PPARGC1B: variants seen among roughly 807,000 people sequenced by gnomAD.
PPARGC1B encodes peroxisome proliferator-activated receptor gamma coactivator 1-beta.
PPARGC1B carries 34 observed loss-of-function variants against 101.6 expected under a neutral mutation model. The observed-to-expected ratio is 0.33, with a 90% CI of 0.25 to 0.45. The LOEUF (loss-of-function observed/expected upper bound fraction) is 0.45. PPARGC1B is among the 20% of genes least tolerant of loss of function. PPARGC1B has a pLI of 1.00. For synonymous variants in PPARGC1B, 548 were observed against 539.3 expected (o/e 1.02, Z -0.22); for missense variants, 1,234 against 1,317.6 (o/e 0.94, Z 0.98).
At chr5:149,840,810 A>G (rs1400863971) in intron 9 of PPARGC1B, among the ~76,000 whole-genome samples, 2 of 152,170 alleles carry the variant, frequency 1.3e-5, no homozygotes, top group Non-Finnish European at 2.9e-5. Context: ...TGGAAACACA[A>G]AAAGACAAAC....
chr5:149,749,865 A>T (rs1049665877), intron 1 of PPARGC1B, among the ~76,000 whole-genome samples: 2 of 152,152 alleles, frequency 1.3e-5, no homozygotes, highest in African/African-American at 4.8e-5. Context: ...ATTGTGAATC[A>T]TGGGGGCTGT....
intron 1 of PPARGC1B, among the ~76,000 whole-genome samples, chr5:149,803,657 T>TA (rs1757503441): frequency 6.6e-6 from 1 of 152,198 alleles, no homozygotes; most frequent in African/African-American, 2.4e-5. Context: ...AGGTGCCTGT[T>TA]ATTCTGTCAT....
Position 149,794,109 on chromosome 5 carries a change from C to T in PPARGC1B, c.79-26324C>T, listed in dbSNP as rs1757119362. 3.3e-5 allele frequency among the ~76,000 whole-genome samples: 5 copies of T among 152,124 alleles called. No homozygotes were observed. In the South Asian group the frequency reaches 1.0e-3, roughly 31 times the overall value. The stretch of plus-strand genomic sequence containing the variant: ...AAAGTCTAAAATATTTACTAGTTGG[C>T]TCTTTACAGAAGAAGTTGCCAACTC... On this transcript the variant is annotated intron_variant, in intron 1 of 11. Transcript: ENST00000309241.
chr5:149,834,611 A>C lies in PPARGC1B; in HGVS notation c.1706-63A>C, dbSNP rs1758965006. On this transcript the variant is annotated intron_variant, in intron 5 of 11. Transcript: ENST00000309241. The stretch of plus-strand genomic sequence containing the variant: ...AGTGGAGGCCTAGGGTCTCCTCCAG[A>C]GGGGAAACATCTGCTAGTGATACCA... The C allele has an allele frequency of 7.2e-6, 11 of 1,518,154 alleles. No individual in the cohort carries two copies. In the South Asian group the frequency reaches 1.0e-4, roughly 14 times the overall value. 94.0% of individuals were successfully genotyped at this position (1,518,154 alleles called of 1,614,324 possible). A position where few individuals can be genotyped will look rare whatever the true frequency, so the allele number is the denominator to read the frequency against.
intron 1 of PPARGC1B, among the ~76,000 whole-genome samples, chr5:149,737,705 G>A (rs1754774359): frequency 6.6e-6 from 1 of 152,144 alleles, no homozygotes; most frequent in Admixed American, 6.5e-5. Context: ...TAAGATTGTT[G>A]TGAAGAGGCC....
chr5:149,742,572 A>G (rs1200282045), intron 1 of PPARGC1B, among the ~76,000 whole-genome samples: 1 of 152,160 alleles, frequency 6.6e-6, no homozygotes, highest in Non-Finnish European at 1.5e-5. Flanking sequence ...GAGTTTTATT[A>G]TTATTATTCA....
chr5:149,845,811 C>G lies in PPARGC1B; in HGVS notation c.2868C>G (p.Leu956=), dbSNP rs1759530888. The change falls in exon 11 of 12, where the codon CTC becomes CTG. Residue 956 remains leucine, a synonymous_variant. Coordinates refer to ENST00000309241, the MANE Select transcript of PPARGC1B (RefSeq NM_133263.4). ...ITYRCSEHAA[L]SLTKGAALRK... is the part of the protein sequence containing the mutation. ...ACCGGTGTTCTGAGCACGCGGCCCT[C>G]TCTTTGACAAAGGGCGCTGCCCTGA... 6.2e-7 allele frequency: 1 copy of G among 1,614,040 alleles called. No homozygotes were observed. The highest frequency in any genetic ancestry group is 1.3e-5 in the African/African-American group (1 of 74,940).
intron 1 of PPARGC1B, among the ~76,000 whole-genome samples, chr5:149,737,555 G>A (rs892513889): frequency 4.6e-5 from 7 of 152,180 alleles, no homozygotes; most frequent in African/African-American, 1.2e-4. Context: ...GTGGCAGTAC[G>A]CAGGGCCAGC....
In PPARGC1B at chr5:149,799,693, G is replaced by GTTTTTTTTTTTTTTTT. The variant is rs11371560; in HGVS notation, c.79-20734_79-20719dup. Reference sequence around the variant, plus strand: ...TTTGTTTGTTTGTTTGCTTGTTGTTGTTTTTTTTTTTTTTTTTTTTTGAGA... The same window carrying GTTTTTTTTTTTTTTTT: ...TTTGTTTGTTTGTTTGCTTGTTGTTGTTTTTTTTTTTTTTTTTTTTTTTTTTTTTTTTTTTTTGAGA... On this transcript the variant is annotated intron_variant, in intron 1 of 11. Coordinates refer to ENST00000309241, the MANE Select transcript of PPARGC1B (RefSeq NM_133263.4). Among the ~76,000 whole-genome samples, 102 of 76,460 alleles carry GTTTTTTTTTTTTTTTT rather than the reference G, an allele frequency of 1.3e-3. 10 individuals carry two copies. The highest frequency in any genetic ancestry group is 1.7e-3 in the South Asian group (3 of 1,760). 50.2% of individuals were successfully genotyped at this position (76,460 alleles called of 152,430 possible).
intron 3 of PPARGC1B, among the ~76,000 whole-genome samples, chr5:149,830,030 C>CAAAAAAAAAAAAAAAAAAAAAAAAAAA (rs60711433): frequency 8.8e-5 from 3 of 34,266 alleles, no homozygotes; most frequent in African/African-American, 8.8e-5. Context: ...GACTGCATCT[C>CAAAAAAAAAAAAAAAAAAAAAAAAAAA]AAAAAAAAAA....
intron 1 of PPARGC1B, among the ~76,000 whole-genome samples, chr5:149,816,342 C>T (rs1460564782): frequency 2.0e-5 from 3 of 152,156 alleles, no homozygotes; most frequent in South Asian, 2.1e-4. Context: ...GGTATGGTTT[C>T]GAGGGAAGGA....
rs559196017 is a variant in PPARGC1B at position 149,826,851 on chromosome 5, C to T, written c.431C>T (p.Ser144Leu). The change falls in exon 3 of 12, where the codon TCG becomes TTG. Residue 144 changes from serine (S) to leucine (L), a missense_variant. Coordinates refer to ENST00000309241, the MANE Select transcript of PPARGC1B (RefSeq NM_133263.4). ...APPSPAPEKPSAPAPEVDELS... is the reference protein window; with the variant it reads ...APPSPAPEKPLAPAPEVDELS... ...CCCAGCCCTGCCCCGGAGAAGCCCTCGGCCCCAGCCCCTGAGGTGGACGAG... is the reference window on the plus strand; with the variant it reads ...CCCAGCCCTGCCCCGGAGAAGCCCTTGGCCCCAGCCCCTGAGGTGGACGAG... 23 of 1,613,336 alleles carry T rather than the reference C, an allele frequency of 1.4e-5. No homozygotes were observed. The highest frequency in any genetic ancestry group is 1.7e-4 in the Middle Eastern group (1 of 5,998).
At chr5:149,759,906 A>C (rs774838146) in intron 1 of PPARGC1B, among the ~76,000 whole-genome samples, 1 of 152,144 alleles carries the variant, frequency 6.6e-6, no homozygotes, top group Non-Finnish European at 1.5e-5. Context: ...CAGAGCTGGG[A>C]TTTGAACCCA....
At chr5:149,778,564 T>C (rs1054154508) in intron 1 of PPARGC1B, among the ~76,000 whole-genome samples, 8 of 152,130 alleles carry the variant, frequency 5.3e-5, no homozygotes, top group Non-Finnish European at 2.9e-5. Flanking sequence ...GCGGCTGCCA[T>C]TGGGCAGCTC....
At chr5:149,738,155 C>T (rs2113076262) in intron 1 of PPARGC1B, among the ~76,000 whole-genome samples, 2 of 152,264 alleles carry the variant, frequency 1.3e-5, no homozygotes, top group South Asian at 4.2e-4. Flanking sequence ...CGTTAAGCTC[C>T]ACAAAGGCAA....
chr5:149,790,288 A>C (rs950932634), intron 1 of PPARGC1B, among the ~76,000 whole-genome samples: 1 of 152,184 alleles, frequency 6.6e-6, no homozygotes. Flanking sequence ...AGCATCATTT[A>C]TGATGATGCC....
intron 1 of PPARGC1B, among the ~76,000 whole-genome samples, chr5:149,814,493 G>C (rs1204566919): frequency 6.6e-6 from 1 of 152,138 alleles, no homozygotes; most frequent in Non-Finnish European, 1.5e-5. Flanking sequence ...GGACCAGAGG[G>C]GGGAGGTGAC....
At chr5:149,845,651 TG>T in intron 10 of PPARGC1B, 108 bp from the exon 11 acceptor site, 1 of 1,150,882 alleles carries the variant, frequency 8.7e-7, no homozygotes, top group Non-Finnish European at 1.2e-6. Flanking sequence ...GGCCACGTGA[TG>T]TGGGTATCGA....
chr5:149,796,208 C>T (rs1757210230), intron 1 of PPARGC1B, among the ~76,000 whole-genome samples: 1 of 152,066 alleles, frequency 6.6e-6, no homozygotes, highest in African/African-American at 2.4e-5. Flanking sequence ...TCAGAGTGAG[C>T]AGTCGGTGGA....
Sources: allele counts gnomAD v4.1 joint callset (sites outside exome capture counted in the v4.1 genomes callset), GRCh38; gene constraint gnomAD v4.1.1; transcripts MANE v1.5; gene names NCBI Gene and HGNC (gene_info 2026-07-23, HGNC 2026-07-21).